The following MACROD2 variants were observed in gnomAD, a reference collection of about 807,000 sequenced individuals.
MACROD2 encodes the protein ADP-ribose glycohydrolase MACROD2.
A neutral mutation model predicts 70.4 loss-of-function variants in MACROD2; 36 were observed. The ratio of observed to expected loss-of-function variants is 0.51; its 90% CI spans 0.39 to 0.68. The LOEUF is 0.68. Among genes scored for constraint, MACROD2 ranks in the 30% least tolerant of loss-of-function variants. The probability of loss-of-function intolerance (pLI) is 0.00; values close to 1 mark genes in which losing one functional copy is unlikely to be tolerated. For synonymous variants in MACROD2, 172 were observed against 178.8 expected, an observed-to-expected ratio of 0.96 and a Z score of 0.30; for missense variants, 496 against 538.4, an observed-to-expected ratio of 0.92 and a Z score of 0.78.
intron 3 of MACROD2, among the ~76,000 whole-genome samples, chr20:14,315,133 T>C (rs1208591342): frequency 6.6e-6 from 1 of 152,358 alleles, no homozygotes; most frequent in East Asian, 1.9e-4. Context: ...GCAGGAGATC[T>C]GGAGTCAAGA....
chr20:14,247,725 A>G (rs1462605701), intron 3 of MACROD2, among the ~76,000 whole-genome samples: 2 of 152,234 alleles, frequency 1.3e-5, no homozygotes, highest in Non-Finnish European at 2.9e-5. Context: ...TTGAAGGAAT[A>G]GAGCAGCACA....
intron 8 of MACROD2, among the ~76,000 whole-genome samples, chr20:15,820,612 A>G (rs1431622917): frequency 6.6e-6 from 1 of 152,232 alleles, no homozygotes; most frequent in East Asian, 1.9e-4. Flanking sequence ...GCCTGTCAGA[A>G]CTGGGAATAA....
chr20:14,656,670 G>A (rs919221616), intron 4 of MACROD2, among the ~76,000 whole-genome samples: 2 of 152,186 alleles, frequency 1.3e-5, no homozygotes, highest in Non-Finnish European at 2.9e-5. Context: ...TCTCCGAGTT[G>A]TTGCTGGAGA....
At chr20:15,179,116 T>A (rs1227897787) in intron 5 of MACROD2, among the ~76,000 whole-genome samples, 1 of 152,158 alleles carries the variant, frequency 6.6e-6, no homozygotes, top group Non-Finnish European at 1.5e-5. Context: ...AGAATAGTGA[T>A]TAGTTACCTT....
chr20:15,814,993 T>C (rs2063858263), intron 8 of MACROD2, among the ~76,000 whole-genome samples: 1 of 152,172 alleles, frequency 6.6e-6, no homozygotes, highest in South Asian at 2.1e-4. Context: ...AACCATCTGG[T>C]TGAAATCCAC....
At chr20:15,321,570 C>G (rs1327833939) in intron 6 of MACROD2, among the ~76,000 whole-genome samples, 1 of 144,204 alleles carries the variant, frequency 6.9e-6, no homozygotes, top group African/African-American at 2.5e-5. Context: ...TTATGAAGGC[C>G]ATCTGGTAAA....
intron 5 of MACROD2, among the ~76,000 whole-genome samples, chr20:14,730,979 G>GCGCA (rs1555822609): frequency 5.0e-5 from 7 of 138,862 alleles, no homozygotes; most frequent in Admixed American, 1.5e-4. Context: ...AACAGGTTTA[G>GCGCA]CACACACACA....
At chr20:14,605,285 G>C (rs1021952532) in intron 4 of MACROD2, among the ~76,000 whole-genome samples, 1 of 152,228 alleles carries the variant, frequency 6.6e-6, no homozygotes, top group Admixed American at 6.5e-5. Context: ...GGGAGAATCT[G>C]TTCCATGCTG....
intron 5 of MACROD2, among the ~76,000 whole-genome samples, chr20:14,862,625 ATATAAATATATATATAAATATATAT>A (rs2073375700): frequency 8.7e-5 from 1 of 11,458 alleles, no homozygotes; most frequent in Non-Finnish European, 1.9e-4. Flanking sequence ...AAATATATAT[ATATAAATATATATATAAATATATAT>A]ATATAAATAT....
intron 3 of MACROD2, among the ~76,000 whole-genome samples, chr20:14,298,976 A>G (rs895505506): frequency 2.6e-5 from 4 of 152,228 alleles, no homozygotes. Context: ...CTCCTGGTGA[A>G]GATGCTGTGA....
intron 8 of MACROD2, among the ~76,000 whole-genome samples, chr20:15,519,531 G>T (rs1466225067): frequency 3.9e-5 from 6 of 152,122 alleles, no homozygotes. Flanking sequence ...AATTTTTAAA[G>T]AAACTTTTTA....
chr20:14,386,232 CT>C (rs1264455598), intron 3 of MACROD2, among the ~76,000 whole-genome samples: 1 of 152,164 alleles, frequency 6.6e-6, no homozygotes, highest in Non-Finnish European at 1.5e-5. Context: ...ATCTGTCTGA[CT>C]TTATGTACAG....
At chr20:14,582,537 A>G (rs1330075985) in intron 4 of MACROD2, among the ~76,000 whole-genome samples, 1 of 152,146 alleles carries the variant, frequency 6.6e-6, no homozygotes, top group African/African-American at 2.4e-5. Context: ...CTCAAGCCAC[A>G]TAATAGGTCC....
intron 5 of MACROD2, among the ~76,000 whole-genome samples, chr20:15,146,992 T>C (rs1395622719): frequency 2.0e-5 from 3 of 152,190 alleles, no homozygotes; most frequent in Admixed American, 6.5e-5. Flanking sequence ...GTTCCATTTA[T>C]GGAGCAGTAC....
chr20:14,349,759 A>G (rs2083102814), intron 3 of MACROD2, among the ~76,000 whole-genome samples: 1 of 149,760 alleles, frequency 6.7e-6, no homozygotes, highest in Non-Finnish European at 1.5e-5. Flanking sequence ...ATGTAATATA[A>G]TGACCTTCAG....
chr20:14,373,506 A>G (rs1321036031), intron 3 of MACROD2, among the ~76,000 whole-genome samples: 1 of 152,098 alleles, frequency 6.6e-6, no homozygotes, highest in Non-Finnish European at 1.5e-5. Context: ...GGAAAATATC[A>G]TCGTTTACTA....
intron 8 of MACROD2, among the ~76,000 whole-genome samples, chr20:15,685,886 G>T (rs1454210585): frequency 1.3e-5 from 2 of 152,174 alleles, no homozygotes; most frequent in East Asian, 3.8e-4. Context: ...ATATTGAAAT[G>T]GACTGTTTAG....
chr20:14,133,534 G>A (rs2054747790), intron 3 of MACROD2, among the ~76,000 whole-genome samples: 1 of 152,138 alleles, frequency 6.6e-6, no homozygotes, highest in Non-Finnish European at 1.5e-5. Flanking sequence ...ATATTAAAAT[G>A]TCAGGTAGTG....
intron 5 of MACROD2, among the ~76,000 whole-genome samples, chr20:15,002,200 G>A (rs534640519): frequency 1.6e-4 from 25 of 152,082 alleles, no homozygotes; most frequent in Non-Finnish European, 2.9e-4. Flanking sequence ...ACTGTTTGCC[G>A]TAGTGGTTGT....
Sources: allele counts gnomAD v4.1 joint callset (sites outside exome capture counted in the v4.1 genomes callset), GRCh38; gene constraint gnomAD v4.1.1; transcripts MANE v1.5; gene names NCBI Gene and HGNC (gene_info 2026-07-23, HGNC 2026-07-21).